AVEN: variants seen among roughly 807,000 people sequenced by gnomAD.
The protein encoded by AVEN is cell death regulator Aven.
In AVEN, 41 loss-of-function variants were observed where a neutral mutation model predicts 38.1. That is an observed-to-expected ratio of 1.08 (90% CI 0.84 to 1.40). AVEN has a LOEUF of 1.40. AVEN is among the 40% of genes most tolerant of loss of function. The probability of loss-of-function intolerance (pLI) is 0.00; values close to 1 mark genes in which losing one functional copy is unlikely to be tolerated. For synonymous variants in AVEN, 206 were observed against 171.8 expected (o/e 1.20, Z -1.56); for missense variants, 605 against 438.8 (o/e 1.38, Z -3.38).
intron 2 of AVEN, among the ~76,000 whole-genome samples, chr15:33,970,485 T>C (rs551975784): frequency 1.3e-5 from 2 of 152,060 alleles, no homozygotes; most frequent in South Asian, 4.2e-4. Flanking sequence ...ATACCAGACA[T>C]AACTAAAAGT....
At chr15:33,999,753 G>A (rs550985014) in intron 2 of AVEN, among the ~76,000 whole-genome samples, 17 of 152,222 alleles carry the variant, frequency 1.1e-4, no homozygotes, top group African/African-American at 4.1e-4. Context: ...TAGTCTACCT[G>A]CTACTAGTAG....
At chr15:33,921,868 G>A (rs668787) in intron 2 of AVEN, among the ~76,000 whole-genome samples, 104,556 of 151,924 alleles carry the variant, frequency 0.69, 36,353 homozygotes, top group East Asian at 0.81. Flanking sequence ...CAGGCTGGAG[G>A]GAGAGATTGG....
intron 2 of AVEN, among the ~76,000 whole-genome samples, chr15:33,956,785 C>A (rs1382534128): frequency 6.6e-6 from 1 of 150,690 alleles, no homozygotes; most frequent in Non-Finnish European, 1.5e-5. Flanking sequence ...ATTTTTATTA[C>A]ATTAAGTTTT....
intron 2 of AVEN, among the ~76,000 whole-genome samples, chr15:33,893,849 G>C (rs1453171092): frequency 6.6e-6 from 1 of 152,162 alleles, no homozygotes; most frequent in Non-Finnish European, 1.5e-5. Flanking sequence ...TTGGAATAGA[G>C]TGTGGTCACG....
chr15:34,004,705 T>C (rs889372246), intron 1 of AVEN, among the ~76,000 whole-genome samples: 6 of 152,170 alleles, frequency 3.9e-5, no homozygotes, highest in Admixed American at 2.6e-4. Flanking sequence ...GAATGGTGGA[T>C]AGACATGAAA....
intron 2 of AVEN, among the ~76,000 whole-genome samples, chr15:33,967,285 C>G (rs186623616): frequency 6.6e-6 from 1 of 152,140 alleles, no homozygotes. Context: ...TGTCTGGATT[C>G]TCACTCAGAA....
intron 1 of AVEN, among the ~76,000 whole-genome samples, chr15:34,015,279 C>T (rs1033322901): frequency 6.6e-6 from 1 of 152,054 alleles, no homozygotes; most frequent in Non-Finnish European, 1.5e-5. Context: ...GTCAGGAGAT[C>T]GAGACCATCT....
At chr15:33,896,149 A>G (rs1181111608) in intron 2 of AVEN, among the ~76,000 whole-genome samples, 1 of 152,222 alleles carries the variant, frequency 6.6e-6, no homozygotes, top group African/African-American at 2.4e-5. Flanking sequence ...TATTTATAGG[A>G]ATACAAAATT....
chr15:34,039,336 A>T (rs1899361120), upstream of AVEN, among the ~76,000 whole-genome samples: 2 of 151,796 alleles, frequency 1.3e-5, no homozygotes, highest in Admixed American at 6.6e-5. Context: ...AAGGCATCAG[A>T]GATAGGTTGG....
chr15:33,860,218 A>C (rs1284324626), intron 11 of AVEN, among the ~76,000 whole-genome samples: 1 of 152,198 alleles, frequency 6.6e-6, no homozygotes, highest in Non-Finnish European at 1.5e-5. Flanking sequence ...GAGGGCTAAG[A>C]AGTGAAGTAA....
At chr15:33,853,438 C>G in the AVEN span, 1 of 1,290,814 alleles carries the variant, frequency 7.7e-7, no homozygotes, top group Non-Finnish European at 1.0e-6. Context: ...TGAACTATGT[C>G]TTCATCTACC....
At chr15:33,908,585 A>G (rs1243207579) in intron 2 of AVEN, among the ~76,000 whole-genome samples, 1 of 152,192 alleles carries the variant, frequency 6.6e-6, no homozygotes, top group Non-Finnish European at 1.5e-5. Context: ...GGTGACTCAT[A>G]TAAGTAGAAT....
intron 2 of AVEN, among the ~76,000 whole-genome samples, chr15:33,897,483 T>C (rs1343543068): frequency 6.6e-6 from 1 of 152,076 alleles, no homozygotes; most frequent in Non-Finnish European, 1.5e-5. Flanking sequence ...TTGGCCAGGC[T>C]GGTCTTGAAC....
At chr15:33,995,597 T>G (rs1896899702) in intron 2 of AVEN, among the ~76,000 whole-genome samples, 1 of 152,178 alleles carries the variant, frequency 6.6e-6, no homozygotes, top group Admixed American at 6.5e-5. Flanking sequence ...AATTGACAGG[T>G]GGGACCTAAT....
intron 5 of AVEN, among the ~76,000 whole-genome samples, chr15:34,060,338 G>A (rs1169962153): frequency 6.6e-6 from 1 of 152,172 alleles, no homozygotes. Flanking sequence ...GGGAAGATGG[G>A]AGAATCTGGT....
At chr15:33,859,695 T>A in intron 11 of AVEN, 1 of 1,612,776 alleles carries the variant, frequency 6.2e-7, no homozygotes, top group African/African-American at 1.3e-5. Context: ...TACCTTTTTC[T>A]TCTTCGTCAT....
In AVEN at chr15:34,063,727, T is replaced by G. The variant is rs759117995; in HGVS notation, n.1127-295A>C. 1.9e-5 allele frequency: 31 copies of G among 1,614,078 alleles called. No individual in the cohort carries two copies. The highest frequency in any genetic ancestry group is 2.6e-5 in the Non-Finnish European group (31 of 1,180,060). On this transcript the variant is annotated intron_variant and non_coding_transcript_variant, in intron 4 of 11. Transcript: ENST00000675287. This position sits in a 1 kb window ranked among gnomAD's most constrained non-coding sequence, Gnocchi z 4.1. ...GGTAAGGAAAGCCCAGGGGAAGAATTCAGTGCTGAAGAGACTGAGGAAACT... is the reference window on the plus strand; with the variant it reads ...GGTAAGGAAAGCCCAGGGGAAGAATGCAGTGCTGAAGAGACTGAGGAAACT...
At chr15:34,008,144 G>A (rs1013899201) in intron 1 of AVEN, among the ~76,000 whole-genome samples, 1 of 152,258 alleles carries the variant, frequency 6.6e-6, no homozygotes. Flanking sequence ...GGGTGGGCCT[G>A]GCACCATGGC....
At chr15:33,865,287 TTTTTACAGTTCTGCAACA>T, downstream of AVEN, 2 of 1,192,490 alleles carry the variant, frequency 1.7e-6, no homozygotes, top group Non-Finnish European at 2.5e-6. Flanking sequence ...TAAAGTCCCC[TTTTTACAGTTCTGCAACA>T]TATCTGAAAT....
Sources: gnomAD v4.1 joint callset for allele counts (sites outside exome capture counted in the v4.1 genomes callset) on GRCh38, gnomAD v4.1.1 for gene constraint, Gnocchi (gnomAD v3.1) non-coding constraint, MANE v1.5 for transcripts, NCBI Gene and HGNC (gene_info 2026-07-23, HGNC 2026-07-21) for gene names.